The following JMJD1C variants were observed in gnomAD, a reference collection of about 807,000 sequenced individuals.
JMJD1C encodes the protein jumonji domain containing 1C.
A neutral mutation model predicts 245.3 loss-of-function variants in JMJD1C; 31 were observed. The ratio of observed to expected loss-of-function variants is 0.13; its 90% confidence interval spans 0.09 to 0.17. The LOEUF (loss-of-function observed/expected upper bound fraction) is 0.17. JMJD1C is among the 10% of genes least tolerant of loss of function. The pLI is 1.00. For missense variants in JMJD1C, 2,691 were observed against 3,000.2 expected (o/e 0.90, Z 2.41); for synonymous variants, 1,057 against 1,017.4 (o/e 1.04, Z -0.74).
chr10:63,296,991 A>G (rs534963164), intron 2 of JMJD1C, among the ~76,000 whole-genome samples: 4 of 152,290 alleles, frequency 2.6e-5, no homozygotes, highest in South Asian at 4.1e-4. Flanking sequence ...TTCTTGAACC[A>G]TATGTGTTTC....
chr10:63,275,251 T>C (rs2133852065), intron 2 of JMJD1C, among the ~76,000 whole-genome samples: 1 of 152,312 alleles, frequency 6.6e-6, no homozygotes. Context: ...GCATTGTATT[T>C]ATTTTCATGC....
intron 8 of JMJD1C, 42 bp from the exon 9 acceptor site, chr10:63,209,277 T>A (rs762634728): frequency 7.7e-5 from 119 of 1,542,384 alleles, no homozygotes; most frequent in Non-Finnish European, 1.0e-4. Flanking sequence ...AGATTTCAGT[T>A]ACTAGAAAAA....
rs71463522 is a variant in JMJD1C, at chr10:63,433,569, CTCTTTTCTTT to C, written c.168+31916_168+31925del. 1.2e-4 allele frequency among the ~76,000 whole-genome samples: 17 copies of C among 138,718 alleles called. No individual in the cohort carries two copies. The South Asian group carries it at 2.0e-3, about 16-fold the overall frequency. The allele number at this position is 138,718 out of a possible 152,430, so 91.0% of individuals were successfully genotyped here. A position where few individuals can be genotyped will look rare whatever the true frequency, so the allele number is the denominator to read the frequency against. On this transcript the variant is annotated intron_variant, in intron 1 of 25. Transcript: ENST00000399262. ...ACTCTACTGGGCAAGAAACAATGTA[CTCTTTTCTTT>C]TCTTTTCTTTTTTTTTTTTTTTTTG...
intron 2 of JMJD1C, among the ~76,000 whole-genome samples, chr10:63,367,433 ATGGGGTTTCTCCATGT>A (rs1564839886): frequency 8.6e-5 from 13 of 151,936 alleles, no homozygotes. Flanking sequence ...TTTAGGAGAG[ATGGGGTTTCTCCATGT>A]TGGTCGGGCT....
chr10:63,252,789 C>G (rs928744463), intron 3 of JMJD1C, among the ~76,000 whole-genome samples: 1 of 152,168 alleles, frequency 6.6e-6, no homozygotes, highest in African/African-American at 2.4e-5. Context: ...CTACAAAATA[C>G]TATGCATACA....
At chr10:63,369,287 G>A (rs1946104826) in intron 2 of JMJD1C, among the ~76,000 whole-genome samples, 1 of 151,916 alleles carries the variant, frequency 6.6e-6, no homozygotes, top group Non-Finnish European at 1.5e-5. Flanking sequence ...TATTATGGAA[G>A]TGCACCACCA....
intron 4 of JMJD1C, chr10:63,217,613 G>A (rs142993039): frequency 0.011 from 2,333 of 204,588 alleles, 36 homozygotes; most frequent in African/African-American, 0.034. Flanking sequence ...AGTTCAAAAT[G>A]CAAAGTTATA....
At chr10:63,182,194 C>T (rs1843571788) in intron 22 of JMJD1C, among the ~76,000 whole-genome samples, 1 of 152,174 alleles carries the variant, frequency 6.6e-6, no homozygotes, top group Non-Finnish European at 1.5e-5. Context: ...CAGAATTTCA[C>T]AGAAAGTGCA....
rs1052941822 is a variant in JMJD1C, at chr10:63,388,488, T to G, written c.169-8006A>C. Among the ~76,000 whole-genome samples, 3 of 151,650 alleles carry G rather than the reference T, an allele frequency of 2.0e-5. No homozygotes were observed. The East Asian group carries it at 5.8e-4, about 29-fold the overall frequency. ...AATCTACAAGAAATGCTTAAAGGAGTCTGATGCTGGGAAAATAAAGAATGG... is the reference window on the plus strand; with the variant it reads ...AATCTACAAGAAATGCTTAAAGGAGGCTGATGCTGGGAAAATAAAGAATGG... On this transcript the variant is annotated intron_variant, in intron 1 of 25. Coordinates refer to ENST00000399262, the MANE Select transcript of JMJD1C (RefSeq NM_032776.3).
chr10:63,211,823 CAAAAAAAAAAA>C (rs59121081), intron 8 of JMJD1C, among the ~76,000 whole-genome samples: 2 of 77,680 alleles, frequency 2.6e-5, no homozygotes, highest in Admixed American at 1.5e-4. Context: ...GACTCTGTCT[CAAAAAAAAAAA>C]AAAAAAAAAA....
At chr10:63,253,407 G>C (rs148125937) in intron 3 of JMJD1C, among the ~76,000 whole-genome samples, 1 of 149,018 alleles carries the variant, frequency 6.7e-6, no homozygotes, top group East Asian at 2.0e-4. Context: ...TTTTTGAGAC[G>C]AAGTCTTGCT....
At chr10:63,515,697 CTTCA>C (rs1398733258) in intron 1 of JMJD1C, among the ~76,000 whole-genome samples, 1 of 152,118 alleles carries the variant, frequency 6.6e-6, no homozygotes, top group Admixed American at 6.6e-5. Flanking sequence ...GTTGTCTATT[CTTCA>C]TTTTGTTCAG....
At chr10:63,271,227 A>G (rs1373790964) in intron 2 of JMJD1C, among the ~76,000 whole-genome samples, 1 of 151,578 alleles carries the variant, frequency 6.6e-6, no homozygotes, top group Non-Finnish European at 1.5e-5. Flanking sequence ...AGGCTGGAGT[A>G]CAGTGGCATG....
chr10:63,193,030 C>T lies in JMJD1C; in HGVS notation c.5984G>A (p.Gly1995Asp), dbSNP rs931222342. ...TGGAGGAGTTAACTTGTTATCTGTG[C>T]CTACATCACTCTCTGGGCTGCTGCC... is the stretch of plus-strand genomic sequence containing the variant. ...NGGSSPESDV[G>D]TDNKLTPPES... The change falls in exon 16 of 26, where the codon GGC becomes GAC. Residue 1995 changes from glycine to aspartate, a missense_variant. Physicochemically the swap from Gly to Asp is moderately conservative, Grantham distance 94. Coordinates refer to ENST00000399262, the MANE Select transcript of JMJD1C (RefSeq NM_032776.3). 4 of 1,614,074 alleles carry T rather than the reference C, an allele frequency of 2.5e-6. No homozygotes were observed. Among genetic ancestry groups the T allele is most frequent in the East Asian group, 2.2e-5 (1 of 44,886 alleles).
At chr10:63,341,543 C>A (rs1374212026) in intron 2 of JMJD1C, among the ~76,000 whole-genome samples, 1 of 152,176 alleles carries the variant, frequency 6.6e-6, no homozygotes, top group Non-Finnish European at 1.5e-5. Context: ...TTCTTACCAG[C>A]CCATATTAAG....
chr10:63,271,152 G>C (rs978391565), intron 2 of JMJD1C, among the ~76,000 whole-genome samples: 3 of 151,994 alleles, frequency 2.0e-5, no homozygotes, highest in African/African-American at 7.3e-5. Context: ...ATTTTAAAAA[G>C]ATGTATGTAA....
chr10:63,292,411 G>C (rs1042795752), intron 2 of JMJD1C, among the ~76,000 whole-genome samples: 1 of 151,752 alleles, frequency 6.6e-6, no homozygotes, highest in Non-Finnish European at 1.5e-5. Flanking sequence ...AGGAGTTCAA[G>C]ACCAGCGTGG....
At chr10:63,277,006 C>T (rs9415684) in intron 2 of JMJD1C, among the ~76,000 whole-genome samples, 2,211 of 148,342 alleles carry the variant, frequency 0.015, 51 homozygotes, top group African/African-American at 0.052. Flanking sequence ...CTCAGCCTCC[C>T]GAGTAGCTGG....
intron 9 of JMJD1C, 49 bp downstream of exon 9, chr10:63,209,014 A>T (rs1846997627): frequency 6.8e-7 from 1 of 1,475,724 alleles, no homozygotes; most frequent in African/African-American, 1.4e-5. Flanking sequence ...GCAAATTAAG[A>T]AAAATTATGA....
Sources: allele counts gnomAD v4.1 joint callset (sites outside exome capture counted in the v4.1 genomes callset), GRCh38; gene constraint gnomAD v4.1.1; transcripts MANE v1.5; gene names NCBI Gene and HGNC (gene_info 2026-07-23, HGNC 2026-07-21).